TMEM132D: variants seen among roughly 807,000 people sequenced by gnomAD.
TMEM132D encodes mature OL transmembrane protein.
A neutral mutation model predicts 62.3 loss-of-function variants in TMEM132D; 21 were observed. The ratio of observed to expected loss-of-function variants is 0.34; its 90% CI spans 0.24 to 0.49. TMEM132D has a LOEUF of 0.49. Among genes scored for constraint, TMEM132D ranks in the 20% least tolerant of loss-of-function variants. TMEM132D has a pLI of 0.99. For missense variants in TMEM132D, 1,346 were observed against 1,402.8 expected, an observed-to-expected ratio of 0.96 and a Z score of 0.65; for synonymous variants, 621 against 575.6, an observed-to-expected ratio of 1.08 and a Z score of -1.13.
intron 2 of TMEM132D, among the ~76,000 whole-genome samples, chr12:129,679,317 G>T (rs940441113): frequency 1.3e-5 from 2 of 151,812 alleles, no homozygotes; most frequent in Non-Finnish European, 2.9e-5. Flanking sequence ...TTATAATCAA[G>T]ATATGTTTTG....
chr12:129,419,382 G>A (rs7959139), intron 3 of TMEM132D, among the ~76,000 whole-genome samples: 32,899 of 151,982 alleles, frequency 0.22, 3,788 homozygotes, highest in Non-Finnish European at 0.25. Context: ...TTTTCCCTGC[G>A]TATTAGGGGA....
At chr12:129,645,950 C>T (rs924453594) in intron 2 of TMEM132D, among the ~76,000 whole-genome samples, 4 of 152,198 alleles carry the variant, frequency 2.6e-5, no homozygotes, top group South Asian at 4.1e-4. Context: ...CTCCCTCCCC[C>T]AGAAAACTCA....
intron 2 of TMEM132D, among the ~76,000 whole-genome samples, chr12:129,664,733 T>C (rs927048021): frequency 6.6e-6 from 1 of 152,088 alleles, no homozygotes; most frequent in Non-Finnish European, 1.5e-5. Context: ...CCTAGAAGAA[T>C]ATTTTTAAAA....
intron 4 of TMEM132D, among the ~76,000 whole-genome samples, chr12:129,257,400 G>A (rs1880435398): frequency 6.6e-6 from 1 of 151,846 alleles, no homozygotes; most frequent in Non-Finnish European, 1.5e-5. Flanking sequence ...TAGTAGAGAT[G>A]GGGTTTCACC....
At chr12:129,186,862 T>C (rs1021305532) in intron 5 of TMEM132D, among the ~76,000 whole-genome samples, 13 of 152,250 alleles carry the variant, frequency 8.5e-5, no homozygotes, top group Non-Finnish European at 7.3e-5. Flanking sequence ...TGTCTAATGC[T>C]AACATTTCAA....
At chr12:129,314,674 G>A (rs1566030578) in intron 4 of TMEM132D, among the ~76,000 whole-genome samples, 5 of 152,152 alleles carry the variant, frequency 3.3e-5, no homozygotes, top group Admixed American at 3.3e-4. Context: ...GTGGTATTTT[G>A]ATGGAGATTG....
At chr12:129,702,969 C>T (rs759858366) in intron 1 of TMEM132D, among the ~76,000 whole-genome samples, 8 of 152,210 alleles carry the variant, frequency 5.3e-5, no homozygotes, top group South Asian at 4.2e-4. Context: ...CCTGGTGATA[C>T]GGGACTAAGG....
chr12:129,554,603 C>T (rs1230600418), intron 2 of TMEM132D, among the ~76,000 whole-genome samples: 11 of 152,272 alleles, frequency 7.2e-5, no homozygotes, highest in African/African-American at 2.6e-4. Context: ...GAATCTTGTC[C>T]ACCTATAACC....
At chr12:129,785,175 A>G (rs1348350837) in intron 1 of TMEM132D, among the ~76,000 whole-genome samples, 3 of 152,098 alleles carry the variant, frequency 2.0e-5, no homozygotes, top group African/African-American at 7.2e-5. Context: ...GCGCCGTCCT[A>G]GGGGCCAGGA....
At chr12:129,585,490 C>T (rs887013380) in intron 2 of TMEM132D, among the ~76,000 whole-genome samples, 4 of 152,182 alleles carry the variant, frequency 2.6e-5, no homozygotes, top group Non-Finnish European at 5.9e-5. Flanking sequence ...GTGTGGGCCG[C>T]GCGTTCCATG....
chr12:129,722,349 TA>T (rs1458341223), intron 1 of TMEM132D, among the ~76,000 whole-genome samples: 1 of 5,636 alleles, frequency 1.8e-4, no homozygotes, highest in Non-Finnish European at 1.5e-3. Flanking sequence ...ACTCTTCCCC[TA>T]GCTGGTGCCA....
intron 3 of TMEM132D, among the ~76,000 whole-genome samples, chr12:129,502,021 G>A (rs946246751): frequency 6.6e-5 from 10 of 150,990 alleles, no homozygotes; most frequent in Non-Finnish European, 1.5e-4. Context: ...TCTTTTGAGA[G>A]ATGGAGTCTC....
chr12:129,748,412 A>G (rs1465905702), intron 1 of TMEM132D, among the ~76,000 whole-genome samples: 1 of 152,186 alleles, frequency 6.6e-6, no homozygotes, highest in Non-Finnish European at 1.5e-5. Context: ...CTTTGAGGAC[A>G]CACCAGACAG....
chr12:129,621,612 G>A (rs560521190), intron 2 of TMEM132D, among the ~76,000 whole-genome samples: 2 of 152,310 alleles, frequency 1.3e-5, no homozygotes, highest in Admixed American at 6.5e-5. Context: ...GAATGCTTAG[G>A]AAGTGCTAGA....
In TMEM132D at chr12:129,337,776, T is replaced by A. The variant is rs1167635106; in HGVS notation, c.1157A>T (p.Glu386Val). The change falls in exon 4 of 9, where the codon GAG becomes GTG. Residue 386 changes from glutamate to valine, a missense_variant. Glu to Val is a moderately radical substitution (Grantham distance 121, BLOSUM62 -2). Coordinates refer to ENST00000422113, the MANE Select transcript of TMEM132D (RefSeq NM_133448.3). ...ASYEVMQIDV[E>V]VEEPGDLPAT... is the part of the protein sequence containing the mutation. Reference sequence around the variant, plus strand: ...TGGCAGGTCACCAGGCTCTTCCACCTCCACATCGATCTGCATGACCTCGTA... The same window carrying A: ...TGGCAGGTCACCAGGCTCTTCCACCACCACATCGATCTGCATGACCTCGTA... The A allele has an allele frequency of 8.1e-6, 13 of 1,613,566 alleles. No individual in the cohort carries two copies. In the Admixed American group the frequency reaches 2.2e-4, roughly 27 times the overall value.
At chr12:129,117,521 C>T (rs112063747) in intron 5 of TMEM132D, among the ~76,000 whole-genome samples, 317 of 152,194 alleles carry the variant, frequency 2.1e-3, no homozygotes, top group African/African-American at 7.0e-3. Flanking sequence ...TTCCACATAT[C>T]GGCTTACTTA....
intron 2 of TMEM132D, among the ~76,000 whole-genome samples, chr12:129,601,954 C>CA (rs796102756): frequency 0.013 from 1,945 of 148,598 alleles, 40 homozygotes; most frequent in African/African-American, 0.042. Flanking sequence ...TTCAATTTAT[C>CA]AAAAAAAAAA....
chr12:129,102,389 C>A (rs1875339186), intron 5 of TMEM132D, among the ~76,000 whole-genome samples: 1 of 151,348 alleles, frequency 6.6e-6, no homozygotes, highest in East Asian at 1.9e-4. Context: ...CAGACACATG[C>A]ATACACACAC....
chr12:129,707,486 T>C (rs542785334), intron 1 of TMEM132D, among the ~76,000 whole-genome samples: 52 of 152,146 alleles, frequency 3.4e-4, no homozygotes, highest in Non-Finnish European at 6.2e-4. Context: ...CACAGTAGCA[T>C]AGAGGGGCTG....
Sources: allele counts gnomAD v4.1 joint callset (sites outside exome capture counted in the v4.1 genomes callset), GRCh38; gene constraint gnomAD v4.1.1; transcripts MANE v1.5; gene names NCBI Gene and HGNC (gene_info 2026-07-23, HGNC 2026-07-21).